Variants in DIP2C observed in about 807,000 individuals in gnomAD.
The protein encoded by DIP2C is DIP2 acetate--CoA ligase C (putative).
A neutral mutation model predicts 192.4 loss-of-function variants in DIP2C; 33 were observed. The ratio of observed to expected loss-of-function variants is 0.17; its 90% CI spans 0.13 to 0.23. The LOEUF (loss-of-function observed/expected upper bound fraction) is 0.23, where lower values mean the gene tolerates loss of function less well. Ranked by LOEUF, DIP2C falls within the 10% of genes least tolerant of loss-of-function variation. The pLI is 1.00. For missense variants in DIP2C, 1,537 were observed against 2,110.1 expected (o/e 0.73, Z 5.32); for synonymous variants, 979 against 864.1 (o/e 1.13, Z -2.33).
rs1965587318 is a variant in DIP2C, at chr10:415,754, A to T, written c.859+15T>A. 1.2e-6 allele frequency: 2 copies of T among 1,613,644 alleles called. No individual in the cohort carries two copies. Among genetic ancestry groups the T allele is most frequent in the Non-Finnish European group, 8.5e-7 (1 of 1,179,794 alleles). On this transcript the variant is annotated intron_variant, in intron 7 of 36. Transcript: ENST00000280886. ...GGAGCATCTGGAAGAAACGTGTGGTAAAGAGTTCTCTCACCTTCTAATAAT... is the reference window on the plus strand; with the variant it reads ...GGAGCATCTGGAAGAAACGTGTGGTTAAGAGTTCTCTCACCTTCTAATAAT...
intron 1 of DIP2C, among the ~76,000 whole-genome samples, chr10:617,224 C>T (rs1316811978): frequency 6.7e-6 from 1 of 149,736 alleles, no homozygotes; most frequent in African/African-American, 2.5e-5. Context: ...ACGACCTCCG[C>T]CCCCCACTAC....
chr10:572,526 C>T (rs1434955100), intron 1 of DIP2C, among the ~76,000 whole-genome samples: 2 of 152,072 alleles, frequency 1.3e-5, no homozygotes, highest in African/African-American at 4.8e-5. Flanking sequence ...AGCTTCTTAC[C>T]GAGGTTGTAA....
intron 1 of DIP2C, among the ~76,000 whole-genome samples, chr10:501,775 G>A (rs61831008): frequency 0.046 from 6,937 of 152,106 alleles, 330 homozygotes; most frequent in African/African-American, 0.12. Context: ...GTTACACACC[G>A]ACCACAGGCC....
At chr10:428,350 CAT>C (rs568241949) in intron 4 of DIP2C, among the ~76,000 whole-genome samples, 6 of 152,126 alleles carry the variant, frequency 3.9e-5, no homozygotes, top group Admixed American at 2.0e-4. Context: ...CTGCTGATAA[CAT>C]ATTCTCTCAG....
At chr10:597,321 T>C (rs1276960995) in intron 1 of DIP2C, among the ~76,000 whole-genome samples, 1 of 152,210 alleles carries the variant, frequency 6.6e-6, no homozygotes, top group Non-Finnish European at 1.5e-5. Flanking sequence ...TTGGCCTCCG[T>C]AGCCCCTGCA....
At chr10:463,866 C>T (rs1969988975) in intron 3 of DIP2C, among the ~76,000 whole-genome samples, 1 of 152,158 alleles carries the variant, frequency 6.6e-6, no homozygotes, top group Non-Finnish European at 1.5e-5. Context: ...TGATCTTTGA[C>T]AAACCTGACA....
intron 29 of DIP2C, among the ~76,000 whole-genome samples, chr10:336,814 G>A (rs547984715): frequency 3.3e-5 from 5 of 152,320 alleles, no homozygotes; most frequent in African/African-American, 1.2e-4. Context: ...CCCTGGCCCT[G>A]TGGAGGCCTA....
intron 1 of DIP2C, among the ~76,000 whole-genome samples, chr10:493,393 C>T (rs538832805): frequency 6.6e-4 from 101 of 152,302 alleles, no homozygotes; most frequent in African/African-American, 2.2e-3. Flanking sequence ...TTGCAGATCT[C>T]AGGCCTCAGC....
intron 15 of DIP2C, 58 bp from the exon 16 acceptor site, chr10:384,204 CAA>C (rs1962647890): frequency 4.4e-6 from 7 of 1,576,454 alleles, no homozygotes; most frequent in South Asian, 2.3e-5. Context: ...TCCCCTATTG[CAA>C]AAGAGAGATC....
At chr10:387,656 A>T (rs1963079598) in intron 14 of DIP2C, 89 bp downstream of exon 14, 3 of 979,472 alleles carry the variant, frequency 3.1e-6, no homozygotes, top group South Asian at 2.6e-5. Flanking sequence ...GTGGACAGAC[A>T]GTATGGGGAG....
intron 1 of DIP2C, among the ~76,000 whole-genome samples, chr10:572,215 G>C (rs916981037): frequency 2.6e-4 from 40 of 152,328 alleles, no homozygotes; most frequent in African/African-American, 8.9e-4. Flanking sequence ...CACGTGTGCA[G>C]ACAGCACCTG....
intron 1 of DIP2C, among the ~76,000 whole-genome samples, chr10:575,316 T>C (rs1564215656): frequency 6.6e-6 from 1 of 152,198 alleles, no homozygotes; most frequent in Non-Finnish European, 1.5e-5. Flanking sequence ...AGTAAAATTC[T>C]CATTTGAGGA....
At chr10:278,023 G>A (rs533176488) in intron 36 of DIP2C, among the ~76,000 whole-genome samples, 3 of 152,342 alleles carry the variant, frequency 2.0e-5, no homozygotes, top group South Asian at 2.1e-4. Flanking sequence ...CCGTGCGTGC[G>A]GAGGCCGAGG....
chr10:377,677 G>A (rs370925594), intron 17 of DIP2C, among the ~76,000 whole-genome samples: 13 of 152,210 alleles, frequency 8.5e-5, no homozygotes, highest in African/African-American at 2.2e-4. Context: ...CGTTTTCTCC[G>A]CTGTCACTCA....
At chr10:557,024 G>A (rs976563821) in intron 1 of DIP2C, among the ~76,000 whole-genome samples, 3 of 152,202 alleles carry the variant, frequency 2.0e-5, no homozygotes, top group African/African-American at 4.8e-5. Context: ...AGCCCTCGAT[G>A]GTCCCACACG....
chr10:575,641 C>T (rs1434785004), intron 1 of DIP2C, among the ~76,000 whole-genome samples: 1 of 152,308 alleles, frequency 6.6e-6, no homozygotes, highest in Admixed American at 6.5e-5. Flanking sequence ...CCAGACATGA[C>T]ATCCAAGAGC....
intron 1 of DIP2C, among the ~76,000 whole-genome samples, chr10:598,309 G>A (rs1032764798): frequency 6.6e-6 from 1 of 151,962 alleles, no homozygotes; most frequent in Non-Finnish European, 1.5e-5. Context: ...CCACCCCGAG[G>A]GCAGCTGCGA....
intron 3 of DIP2C, among the ~76,000 whole-genome samples, chr10:456,768 C>T (rs76019120): frequency 1.8e-4 from 27 of 152,306 alleles, no homozygotes; most frequent in East Asian, 5.8e-4. Flanking sequence ...TTCCCTTCCA[C>T]GACGATTTTT....
intron 1 of DIP2C, among the ~76,000 whole-genome samples, chr10:523,500 T>C (rs2445592): frequency 0.56 from 10,170 of 18,084 alleles, 2,009 homozygotes; most frequent in East Asian, 0.61. Flanking sequence ...AGGGACTCTG[T>C]GTCACCCACA....
Sources: gnomAD v4.1 joint callset for allele counts (sites outside exome capture counted in the v4.1 genomes callset) on GRCh38, gnomAD v4.1.1 for gene constraint, MANE v1.5 for transcripts, NCBI Gene and HGNC (gene_info 2026-07-23, HGNC 2026-07-21) for gene names.